The following GRM5 variants were observed in gnomAD, a reference collection of about 807,000 sequenced individuals.
GRM5 encodes glutamate metabotropic receptor 5.
A neutral mutation model predicts 83.1 loss-of-function variants in GRM5; 19 were observed. The ratio of observed to expected loss-of-function variants is 0.23; its 90% CI spans 0.16 to 0.34. The LOEUF (loss-of-function observed/expected upper bound fraction) is 0.34, where lower values mean the gene tolerates loss of function less well. Among genes scored for constraint, GRM5 ranks in the 10% least tolerant of loss-of-function variants. GRM5 has a pLI of 1.00. For missense variants in GRM5, 1,160 were observed against 1,588.3 expected, an observed-to-expected ratio of 0.73 and a Z score of 4.58; for synonymous variants, 675 against 633.6, an observed-to-expected ratio of 1.07 and a Z score of -0.98.
chr11:88,613,318 T>C (rs1207769428), intron 4 of GRM5, among the ~76,000 whole-genome samples: 1 of 152,192 alleles, frequency 6.6e-6, no homozygotes, highest in Non-Finnish European at 1.5e-5. Flanking sequence ...CCCAAGATTA[T>C]TGTGTAGCTT....
intron 2 of GRM5, among the ~76,000 whole-genome samples, chr11:89,014,717 G>A (rs1940805957): frequency 6.6e-6 from 1 of 152,088 alleles, no homozygotes; most frequent in Admixed American, 6.6e-5. Context: ...ATGTTTGATG[G>A]AATGGATACC....
At chr11:88,821,358 A>G (rs1366009220) in intron 3 of GRM5, among the ~76,000 whole-genome samples, 5 of 148,564 alleles carry the variant, frequency 3.4e-5, no homozygotes, top group African/African-American at 1.0e-4. Flanking sequence ...AAAAAAAAAA[A>G]AAAAGAAAAA....
Position 88,684,609 on chromosome 11 carries a change from T to A in GRM5, c.912-31206A>T, listed in dbSNP as rs1250490506. Among the ~76,000 whole-genome samples, 8 of 152,308 alleles carry A rather than the reference T, an allele frequency of 5.3e-5. No homozygotes were observed. In the South Asian group the frequency reaches 1.7e-3, roughly 32 times the overall value. On this transcript the variant is annotated intron_variant, in intron 3 of 9. Coordinates refer to ENST00000305447, the MANE Select transcript of GRM5 (RefSeq NM_001143831.3). ...AAGTGTCTGGTGCTGAAGCAAGGTT[T>A]AGAGGCATAGACTCCAATATAGTTT...
rs754499073 is a variant in GRM5 at position 88,509,436 on chromosome 11, C to T, written c.2795G>A (p.Arg932His). 8.7e-6 allele frequency: 14 copies of T among 1,612,394 alleles called. No individual in the cohort carries two copies. Among genetic ancestry groups the T allele is most frequent in the Non-Finnish European group, 1.2e-5 (14 of 1,179,508 alleles). ...TTTCTTGTTGATGTGGATGGACAGG[C>T]GCTGCCACAGGTGCTGCCCCCGGCT... ...KSSRGQHLWQ[R>H]LSIHINKKEN... is the part of the protein sequence containing the mutation. Residue 932 changes from arginine to histidine, a missense_variant, in exon 10 of 10, where the codon CGC (arginine) becomes CAC (histidine). By Grantham distance (29) the Arg-to-His change is conservative. Transcript: ENST00000305447.
chr11:89,027,589 C>A (rs531254234), intron 2 of GRM5, among the ~76,000 whole-genome samples: 4 of 152,152 alleles, frequency 2.6e-5, no homozygotes, highest in Non-Finnish European at 4.4e-5. Flanking sequence ...GCAGTACTGA[C>A]CAAGCTCTCA....
chr11:88,808,461 T>C (rs1565240868), intron 3 of GRM5, among the ~76,000 whole-genome samples: 1 of 152,030 alleles, frequency 6.6e-6, no homozygotes, highest in East Asian at 1.9e-4. Flanking sequence ...ATTTTTAATG[T>C]TTCCACTATA....
chr11:88,831,215 CAGAT>C (rs1186042244), intron 3 of GRM5, among the ~76,000 whole-genome samples: 1 of 152,214 alleles, frequency 6.6e-6, no homozygotes, highest in Non-Finnish European at 1.5e-5. Flanking sequence ...CCCCTGATCA[CAGAT>C]GGATGCTGCT....
intron 2 of GRM5, among the ~76,000 whole-genome samples, chr11:88,910,846 T>G (rs1590957497): frequency 2.3e-3 from 1 of 434 alleles, no homozygotes; most frequent in African/African-American, 2.7e-3. Flanking sequence ...GTAGAACGTA[T>G]TTTTTTTTTG....
intron 2 of GRM5, among the ~76,000 whole-genome samples, chr11:88,989,136 C>T (rs1939863740): frequency 6.7e-6 from 1 of 150,156 alleles, no homozygotes; most frequent in Admixed American, 6.6e-5. Flanking sequence ...CAGAGACACA[C>T]ATAGGCTCAA....
At chr11:89,009,175 G>A (rs1418755218) in intron 2 of GRM5, 2 of 660,608 alleles carry the variant, frequency 3.0e-6, no homozygotes, top group East Asian at 2.7e-5. Flanking sequence ...GTGTATAAAT[G>A]AATAAATTTG....
chr11:88,560,276 C>A (rs1942724874), intron 8 of GRM5, among the ~76,000 whole-genome samples: 1 of 152,106 alleles, frequency 6.6e-6, no homozygotes, highest in Non-Finnish European at 1.5e-5. Context: ...GAATGAGTAT[C>A]TTTTAAACAT....
chr11:88,696,335 A>G (rs1940901612), intron 3 of GRM5, among the ~76,000 whole-genome samples: 1 of 152,056 alleles, frequency 6.6e-6, no homozygotes, highest in Non-Finnish European at 1.5e-5. Context: ...TGGGCACAGA[A>G]TGGGGGCATG....
At chr11:89,045,840 A>G (rs1260752257) in intron 2 of GRM5, among the ~76,000 whole-genome samples, 1 of 152,028 alleles carries the variant, frequency 6.6e-6, no homozygotes, top group Non-Finnish European at 1.5e-5. Context: ...ACCTAGTCAT[A>G]TTTTCTTATG....
chr11:88,913,859 T>C (rs1320344334), intron 2 of GRM5, among the ~76,000 whole-genome samples: 10 of 152,136 alleles, frequency 6.6e-5, no homozygotes, highest in Non-Finnish European at 1.3e-4. Flanking sequence ...AGTGCTAGAA[T>C]TACAGGTGTG....
intron 4 of GRM5, among the ~76,000 whole-genome samples, chr11:88,615,402 G>C (rs970911764): frequency 1.3e-5 from 2 of 152,078 alleles, no homozygotes; most frequent in African/African-American, 4.8e-5. Flanking sequence ...ATTTGTTTCA[G>C]CATTCATGAG....
intron 7 of GRM5, among the ~76,000 whole-genome samples, chr11:88,574,613 A>G (rs1943067957): frequency 6.6e-6 from 1 of 152,112 alleles, no homozygotes; most frequent in South Asian, 2.1e-4. Context: ...CTAAAAATAC[A>G]GAAATTAGCC....
intron 8 of GRM5, among the ~76,000 whole-genome samples, chr11:88,526,462 T>C (rs1211633382): frequency 6.6e-6 from 1 of 152,220 alleles, no homozygotes; most frequent in Non-Finnish European, 1.5e-5. Context: ...AATAACCACC[T>C]GTAGAGCTTG....
Position 88,522,603 on chromosome 11 carries a change from C to CTCTGTGTGTG in GRM5, c.2726+2705_2726+2706insCACACACAGA, listed in dbSNP as rs1206475339. Among the ~76,000 whole-genome samples the CTCTGTGTGTG allele has an allele frequency of 4.5e-3, 575 of 127,264 alleles. 3 individuals carry two copies. Among genetic ancestry groups the CTCTGTGTGTG allele is most frequent in the African/African-American group, 7.3e-3 (258 of 35,194 alleles). 83.5% of individuals were successfully genotyped at this position (127,264 alleles called of 152,430 possible). ...TCTCTCTCTCGCTCTCTCTCTCTCT[C>CTCTGTGTGTG]TGTGTGTGTGTGTGTGTGTGTGTGT... On this transcript the variant is annotated intron_variant, in intron 9 of 9. Coordinates refer to ENST00000305447, the MANE Select transcript of GRM5 (RefSeq NM_001143831.3).
At chr11:88,514,215 T>C (rs983023758) in intron 9 of GRM5, among the ~76,000 whole-genome samples, 2 of 152,190 alleles carry the variant, frequency 1.3e-5, no homozygotes, top group Admixed American at 6.5e-5. Flanking sequence ...CTCTCTGTTA[T>C]AATTATTTGC....
Sources: gnomAD v4.1 joint callset for allele counts (sites outside exome capture counted in the v4.1 genomes callset) on GRCh38, gnomAD v4.1.1 for gene constraint, MANE v1.5 for transcripts, NCBI Gene and HGNC (gene_info 2026-07-23, HGNC 2026-07-21) for gene names.